The following COMMD10 variants were observed in gnomAD, a reference collection of about 807,000 sequenced individuals.
COMMD10 encodes COMM domain containing 10.
A neutral mutation model predicts 28.9 loss-of-function variants in COMMD10; 33 were observed. That is an observed-to-expected ratio of 1.14 (90% CI 0.87 to 1.53). COMMD10 has a LOEUF of 1.53. Ranked by LOEUF, COMMD10 falls within the 40% of genes most tolerant of loss-of-function variation. The pLI, the probability that COMMD10 is intolerant of heterozygous loss-of-function variation, is 0.00. For missense variants in COMMD10, 310 were observed against 233.4 expected, an observed-to-expected ratio of 1.33 and a Z score of -2.14; for synonymous variants, 110 against 81.7, an observed-to-expected ratio of 1.35 and a Z score of -1.87.
intron 5 of COMMD10, among the ~76,000 whole-genome samples, chr5:116,178,462 A>G (rs1747821984): frequency 6.6e-6 from 1 of 152,136 alleles, no homozygotes; most frequent in Non-Finnish European, 1.5e-5. Context: ...AAATTAACGG[A>G]TAATAAAGTA....
intron 4 of COMMD10, among the ~76,000 whole-genome samples, chr5:116,108,598 A>G (rs1750924846): frequency 6.6e-6 from 1 of 152,132 alleles, no homozygotes; most frequent in Admixed American, 6.5e-5. Context: ...CGAGAATTTC[A>G]CGTCGGTGGA....
At chr5:116,136,655 A>T (rs1374580159) in intron 5 of COMMD10, among the ~76,000 whole-genome samples, 2 of 152,198 alleles carry the variant, frequency 1.3e-5, no homozygotes, top group Non-Finnish European at 2.9e-5. Context: ...AGACATTCAG[A>T]TTATTCAGGA....
rs543431508 is a variant in COMMD10, at chr5:116,265,226, G to C, written c.511-26291G>C. Reference sequence around the variant, plus strand: ...AACTCTCCACATGCTCTTTCTGCTAGAGCATAATATTCTGCATATTGACTT... The same window carrying C: ...AACTCTCCACATGCTCTTTCTGCTACAGCATAATATTCTGCATATTGACTT... On this transcript the variant is annotated intron_variant, in intron 5 of 6. Coordinates refer to ENST00000274458, the MANE Select transcript of COMMD10 (RefSeq NM_016144.4). Among the ~76,000 whole-genome samples, 17 of 151,858 alleles carry C rather than the reference G, an allele frequency of 1.1e-4. 1 individual carries two copies. Among genetic ancestry groups the C allele is most frequent in the African/African-American group, 4.1e-4 (17 of 41,278 alleles).
chr5:116,153,371 A>G lies in COMMD10; in HGVS notation c.510+19193A>G, dbSNP rs370870773. On this transcript the variant is annotated intron_variant, in intron 5 of 6. Coordinates refer to ENST00000274458, the MANE Select transcript of COMMD10 (RefSeq NM_016144.4). ...ATTATATAAAATTTGTGAGTGGCTAAGCTACCTCATTGTTTCTTCTGTGGA... is the reference window on the plus strand; with the variant it reads ...ATTATATAAAATTTGTGAGTGGCTAGGCTACCTCATTGTTTCTTCTGTGGA... Among the ~76,000 whole-genome samples the G allele has an allele frequency of 9.2e-5, 14 of 152,128 alleles. No individual in the cohort carries two copies. The East Asian group carries it at 1.9e-3, about 21-fold the overall frequency.
chr5:116,108,132 A>T (rs1750905151), intron 4 of COMMD10, among the ~76,000 whole-genome samples: 1 of 152,200 alleles, frequency 6.6e-6, no homozygotes, highest in Non-Finnish European at 1.5e-5. Flanking sequence ...GGTTTCTCCC[A>T]GTCAGGATAC....
At chr5:116,145,046 A>G (rs530598020) in intron 5 of COMMD10, among the ~76,000 whole-genome samples, 78 of 152,012 alleles carry the variant, frequency 5.1e-4, no homozygotes, top group African/African-American at 1.8e-3. Context: ...AGAGAAGAGT[A>G]TGGGTCAGGT....
Position 116,292,920 on chromosome 5 carries a change from T to C in COMMD10, c.*431T>C, listed in dbSNP as rs1412921697. 1 of 395,854 alleles carries C rather than the reference T, an allele frequency of 2.5e-6. No homozygotes were observed. The highest frequency in any genetic ancestry group is 4.5e-6 in the Non-Finnish European group (1 of 224,394). 24.5% of individuals were successfully genotyped at this position (395,854 alleles called of 1,614,324 possible). ...ATGAATAAAATTAAGAAAATAGCCA[T>C]ATACAATCAAATACACTATGGCATT... On this transcript the variant is annotated 3_prime_UTR_variant, in exon 7 of 7. Transcript: ENST00000274458.
At chr5:116,183,837 G>GGT (rs1295536744) in intron 5 of COMMD10, among the ~76,000 whole-genome samples, 1 of 152,036 alleles carries the variant, frequency 6.6e-6, no homozygotes, top group African/African-American at 2.4e-5. Context: ...AGGTATATAT[G>GGT]GTGGCAGGCT....
intron 5 of COMMD10, among the ~76,000 whole-genome samples, chr5:116,160,283 G>A (rs145678609): frequency 6.6e-6 from 1 of 152,090 alleles, no homozygotes; most frequent in Non-Finnish European, 1.5e-5. Context: ...CAAACTATGA[G>A]TTTTTAAAAA....
intron 5 of COMMD10, among the ~76,000 whole-genome samples, chr5:116,207,491 C>G (rs998994670): frequency 2.6e-5 from 4 of 151,824 alleles, no homozygotes; most frequent in Admixed American, 2.0e-4. Context: ...GGTTTCAGAA[C>G]ATTGCAGTAT....
intron 1 of COMMD10, chr5:116,085,303 G>A: frequency 1.7e-6 from 1 of 573,392 alleles, no homozygotes; most frequent in Non-Finnish European, 3.1e-6. Context: ...GTCCACCTGT[G>A]GGGCTCACAG....
At chr5:116,155,250 A>G (rs1024557972) in intron 5 of COMMD10, among the ~76,000 whole-genome samples, 2 of 152,136 alleles carry the variant, frequency 1.3e-5, no homozygotes, top group African/African-American at 2.4e-5. Flanking sequence ...AGTTGAATTA[A>G]TACAAGTGAA....
chr5:116,182,188 T>C (rs1324998891), intron 5 of COMMD10, among the ~76,000 whole-genome samples: 1 of 151,992 alleles, frequency 6.6e-6, no homozygotes, highest in Non-Finnish European at 1.5e-5. Context: ...AAGCAGACAA[T>C]TGAATGTATA....
chr5:116,107,055 C>G (rs950771145), intron 4 of COMMD10, among the ~76,000 whole-genome samples: 3 of 151,742 alleles, frequency 2.0e-5, no homozygotes, highest in African/African-American at 7.3e-5. Flanking sequence ...ATTAGGGTTT[C>G]TGCTGAGAGA....
chr5:116,189,343 CCAGTGTCTCATACCAGT>C (rs1332932631), intron 5 of COMMD10, among the ~76,000 whole-genome samples: 4 of 152,174 alleles, frequency 2.6e-5, no homozygotes, highest in Non-Finnish European at 5.9e-5. Context: ...AGAGCAGCAT[CCAGTGTCTCATACCAGT>C]GGAGATACTG....
chr5:116,131,480 C>T (rs1392831590), intron 4 of COMMD10, among the ~76,000 whole-genome samples: 1 of 151,864 alleles, frequency 6.6e-6, no homozygotes, highest in Non-Finnish European at 1.5e-5. Context: ...TGCAGTCCTG[C>T]CTCCTACCAA....
chr5:116,247,954 G>C (rs974660278), intron 5 of COMMD10, among the ~76,000 whole-genome samples: 2 of 151,250 alleles, frequency 1.3e-5, no homozygotes, highest in Non-Finnish European at 2.9e-5. Context: ...ATGTACCCCT[G>C]AACTTAAAAG....
chr5:116,253,423 G>T (rs1182550245), intron 5 of COMMD10, among the ~76,000 whole-genome samples: 1 of 151,384 alleles, frequency 6.6e-6, no homozygotes, highest in South Asian at 2.1e-4. Flanking sequence ...GTATGATATT[G>T]GCTGTGGATT....
At chr5:116,149,973 G>A (rs952226344) in intron 5 of COMMD10, among the ~76,000 whole-genome samples, 3 of 152,094 alleles carry the variant, frequency 2.0e-5, no homozygotes, top group African/African-American at 4.8e-5. Flanking sequence ...TTTCTTCTAA[G>A]GTTTTTATGG....
Sources: allele counts gnomAD v4.1 joint callset (sites outside exome capture counted in the v4.1 genomes callset), GRCh38; gene constraint gnomAD v4.1.1; transcripts MANE v1.5; gene names NCBI Gene and HGNC (gene_info 2026-07-23, HGNC 2026-07-21).